ABCB1: variants seen among roughly 807,000 people sequenced by gnomAD.
ABCB1 encodes the protein ATP-dependent translocase ABCB1.
In ABCB1, 69 loss-of-function variants were observed where a neutral mutation model predicts 142.0. The observed-to-expected ratio is 0.49, with a 90% CI of 0.40 to 0.59. The LOEUF is 0.59. Ranked by LOEUF, ABCB1 falls within the 20% of genes least tolerant of loss-of-function variation. ABCB1 has a pLI of 0.00. For missense variants in ABCB1, 1,326 were observed against 1,554.7 expected (o/e 0.85, Z 2.47); for synonymous variants, 532 against 539.2 (o/e 0.99, Z 0.18).
intron 1 of ABCB1, among the ~76,000 whole-genome samples, chr7:87,655,893 A>C (rs1368083147): frequency 2.0e-5 from 3 of 152,148 alleles, no homozygotes; most frequent in African/African-American, 7.2e-5. Context: ...AAAGGGCTTG[A>C]CAGAGGGAGT....
At chr7:87,518,256 G>A (rs1388857794) in intron 23 of ABCB1, among the ~76,000 whole-genome samples, 1 of 152,100 alleles carries the variant, frequency 6.6e-6, no homozygotes, top group Non-Finnish European at 1.5e-5. Flanking sequence ...TTAAACCTAT[G>A]GGACCTTTTT....
chr7:87,616,598 T>C (rs1216401204), intron 1 of ABCB1, among the ~76,000 whole-genome samples: 4 of 152,238 alleles, frequency 2.6e-5, no homozygotes, highest in Admixed American at 1.3e-4. Context: ...GTTTCGTTTA[T>C]GATCATGGTA....
intron 1 of ABCB1, among the ~76,000 whole-genome samples, chr7:87,712,419 C>T (rs992456718): frequency 1.3e-5 from 2 of 151,940 alleles, no homozygotes; most frequent in Non-Finnish European, 2.9e-5. Flanking sequence ...GTATCAGAAT[C>T]GAGTAGCTCA....
chr7:87,567,955 C>T (rs866872827), intron 5 of ABCB1, among the ~76,000 whole-genome samples: 39 of 151,660 alleles, frequency 2.6e-4, no homozygotes, highest in Non-Finnish European at 2.6e-4. Context: ...ATTAGCCAAG[C>T]GTGGTGGCGT....
At chr7:87,658,451 G>A (rs1824341675) in intron 1 of ABCB1, among the ~76,000 whole-genome samples, 1 of 152,100 alleles carries the variant, frequency 6.6e-6, no homozygotes. Context: ...AAGGAGAGAA[G>A]AAAGAAGGTG....
chr7:87,607,523 T>A (rs1391791961), intron 1 of ABCB1, among the ~76,000 whole-genome samples: 1 of 152,160 alleles, frequency 6.6e-6, no homozygotes, highest in Non-Finnish European at 1.5e-5. Flanking sequence ...GGGAATTATT[T>A]TTTTCTTTGA....
At chr7:87,566,668 G>A (rs2129812179) in intron 6 of ABCB1, 117 bp downstream of exon 6, 1 of 1,051,932 alleles carries the variant, frequency 9.5e-7, no homozygotes, top group South Asian at 1.4e-5. Context: ...AAGGAATTTT[G>A]TCTCATAAGT....
At chr7:87,679,233 C>T (rs1826683765) in intron 1 of ABCB1, among the ~76,000 whole-genome samples, 1 of 148,850 alleles carries the variant, frequency 6.7e-6, no homozygotes, top group Admixed American at 6.7e-5. Context: ...GCTGGGACTA[C>T]AGGTGCCCGC....
intron 16 of ABCB1, 42 bp from the exon 17 acceptor site, chr7:87,544,317 T>G (rs200830030): frequency 6.3e-7 from 1 of 1,598,362 alleles, no homozygotes; most frequent in Admixed American, 1.7e-5. Flanking sequence ...TTAAAAACTT[T>G]TATATGTACA....
chr7:87,587,731 C>T (rs145731727), intron 3 of ABCB1, among the ~76,000 whole-genome samples: 12 of 151,908 alleles, frequency 7.9e-5, no homozygotes, highest in African/African-American at 1.4e-4. Flanking sequence ...AGAAATTAGC[C>T]GGATGTGGTG....
intron 17 of ABCB1, 112 bp from the exon 18 acceptor site, chr7:87,541,576 C>T (rs543130120): frequency 3.4e-4 from 267 of 789,438 alleles, no homozygotes; most frequent in African/African-American, 1.7e-3. Context: ...CCTTAGTACG[C>T]TGGAAATTGG....
At chr7:87,644,019 T>G (rs1196957482) in intron 1 of ABCB1, among the ~76,000 whole-genome samples, 1 of 152,152 alleles carries the variant, frequency 6.6e-6, no homozygotes, top group Non-Finnish European at 1.5e-5. Flanking sequence ...CCACCATACC[T>G]GGATAATTTT....
upstream of ABCB1, among the ~76,000 whole-genome samples, chr7:87,603,591 C>T (rs1328710611): frequency 1.3e-5 from 2 of 152,236 alleles, no homozygotes; most frequent in African/African-American, 2.4e-5. Context: ...CTTCCTCACC[C>T]TCAACATGTA....
chr7:87,700,404 C>T, intron 1 of ABCB1: 2 of 1,567,052 alleles, frequency 1.3e-6, no homozygotes, highest in Non-Finnish European at 1.7e-6. Context: ...TTTTATATCG[C>T]AATTTGTCTC....
intron 3 of ABCB1, among the ~76,000 whole-genome samples, chr7:87,587,791 T>C (rs1349324083): frequency 6.8e-6 from 1 of 147,298 alleles, no homozygotes; most frequent in Admixed American, 7.0e-5. Flanking sequence ...AGGAGAATGG[T>C]GTGAACCTGG....
In ABCB1 at chr7:87,667,397, G is replaced by GT. The variant is rs202009483; in HGVS notation, c.-331+45763dup. On this transcript the variant is annotated intron_variant, in intron 1 of 28. Coordinates refer to the ABCB1 transcript ENST00000265724. ...GGAGGAACTTTTGGGCCAAGACTAT[G>GT]TTTTTTTTTTTCTAGATATAGAATC... Among the ~76,000 whole-genome samples the GT allele has an allele frequency of 1.2e-3, 182 of 147,132 alleles. 1 individual carries two copies. Among genetic ancestry groups the GT allele is most frequent in the Middle Eastern group, 7.1e-3 (2 of 282 alleles).
chr7:87,518,343 T>C (rs1275938908), intron 23 of ABCB1, among the ~76,000 whole-genome samples: 1 of 152,202 alleles, frequency 6.6e-6, no homozygotes, highest in East Asian at 1.9e-4. Flanking sequence ...AATGCCCCAA[T>C]GTCAGCAACT....
At chr7:87,510,854 T>C (rs1814973181) in intron 25 of ABCB1, among the ~76,000 whole-genome samples, 1 of 151,972 alleles carries the variant, frequency 6.6e-6, no homozygotes, top group Admixed American at 6.6e-5. Flanking sequence ...AGGTGGAAAG[T>C]AGAGGGTGGA....
intron 25 of ABCB1, among the ~76,000 whole-genome samples, chr7:87,513,207 A>G (rs1344269500): frequency 6.7e-6 from 1 of 150,156 alleles, no homozygotes; most frequent in Admixed American, 6.7e-5. Context: ...TCACAGCTGC[A>G]GTGCTGTGAT....
Sources: allele counts gnomAD v4.1 joint callset (sites outside exome capture counted in the v4.1 genomes callset), GRCh38; gene constraint gnomAD v4.1.1; transcripts MANE v1.5; gene names NCBI Gene and HGNC (gene_info 2026-07-23, HGNC 2026-07-21).